The following AFF2 variants were observed in gnomAD, a reference collection of about 807,000 sequenced individuals.
AFF2 encodes AF4/FMR2 family member 2.
A neutral mutation model predicts 76.9 loss-of-function variants in AFF2; 14 were observed. The observed-to-expected ratio is 0.18, with a 90% CI of 0.12 to 0.28. The LOEUF is 0.28. Ranked by LOEUF, AFF2 falls within the 10% of genes least tolerant of loss-of-function variation. AFF2 has a pLI of 1.00. For synonymous variants in AFF2, 398 were observed against 366.7 expected, an observed-to-expected ratio of 1.09 and a Z score of -0.98; for missense variants, 868 against 1,001.1, an observed-to-expected ratio of 0.87 and a Z score of 1.79.
chrX:148,974,697 A>G (rs1557289995), intron 16 of AFF2, among the ~76,000 whole-genome samples: 1 of 112,269 alleles, frequency 8.9e-6, no homozygotes, highest in African/African-American at 3.2e-5. Context: ...TAGGGTGATT[A>G]TAAGGGCAGC....
intron 1 of AFF2, among the ~76,000 whole-genome samples, chrX:148,592,259 T>C (rs2053529276): frequency 1.8e-5 from 2 of 111,442 alleles, no homozygotes; most frequent in Admixed American, 9.5e-5. Context: ...GATTAGCAGG[T>C]GAGAATCACT....
At chrX:148,781,491 C>G (rs367613231) in intron 3 of AFF2, among the ~76,000 whole-genome samples, 2 of 112,283 alleles carry the variant, frequency 1.8e-5, no homozygotes, top group African/African-American at 3.2e-5. Context: ...GGGCTCTGCC[C>G]AGTCCAAACT....
In AFF2 at chrX:148,956,467, G is replaced by C. The variant is rs1367938110; in HGVS notation, c.2422G>C (p.Asp808His). Residue 808 changes from aspartate to histidine, a missense_variant, in exon 11 of 21, where the codon GAC (aspartate) becomes CAC (histidine). By Grantham distance (81) the Asp-to-His change is moderately conservative. Around this residue, in one of 6 missense-constraint regions of AFF2, gnomAD observed 532 missense variants for 564.2 expected, o/e 0.94. Transcript: ENST00000370460. ...AAACCTCTGGGTGAAGATTGACCTT[G>C]ACTTACTCTCTAGAGTACCTGGCCA... ...LKNLWVKIDL[D>H]LLSRVPGHSS... The C allele has an allele frequency of 1.7e-6, 2 of 1,210,061 alleles. No homozygotes were observed. The highest frequency in any genetic ancestry group is 1.7e-5 in the African/African-American group (1 of 57,152).
chrX:148,774,106 C>A (rs1208257324), intron 3 of AFF2, among the ~76,000 whole-genome samples: 1 of 111,769 alleles, frequency 8.9e-6, no homozygotes, highest in African/African-American at 3.3e-5. Context: ...CTGCCTAGAT[C>A]CTATAATTTT....
intron 2 of AFF2, 46 bp downstream of exon 2, chrX:148,652,177 G>T (rs1196237068): frequency 1.0e-6 from 1 of 997,511 alleles, no homozygotes; most frequent in Non-Finnish European, 1.4e-6. Flanking sequence ...TTACATTTTT[G>T]AACTCACTAA....
intron 2 of AFF2, among the ~76,000 whole-genome samples, chrX:148,654,505 G>A (rs368708445): frequency 9.0e-6 from 1 of 111,263 alleles, no homozygotes; most frequent in African/African-American, 3.3e-5. Context: ...TATATAAAGG[G>A]AAGCTTTTTA....
At chrX:148,882,720 A>G (rs1439396456) in intron 7 of AFF2, among the ~76,000 whole-genome samples, 2 of 111,960 alleles carry the variant, frequency 1.8e-5, no homozygotes, top group African/African-American at 6.5e-5. Flanking sequence ...ATTAAATCTA[A>G]TATCTTTCAT....
intron 1 of AFF2, among the ~76,000 whole-genome samples, chrX:148,594,889 G>A (rs1557247102): frequency 8.9e-6 from 1 of 111,994 alleles, no homozygotes; most frequent in African/African-American, 3.2e-5. Flanking sequence ...TTGTTGTCCT[G>A]GAGTACTTTT....
intron 7 of AFF2, among the ~76,000 whole-genome samples, chrX:148,858,942 C>T (rs1406642930): frequency 9.3e-6 from 1 of 107,550 alleles, no homozygotes; most frequent in Non-Finnish European, 1.9e-5. Context: ...AATGCTCAAC[C>T]ATAGTAAATG....
At chrX:148,677,470 C>T (rs916459146) in intron 3 of AFF2, among the ~76,000 whole-genome samples, 2 of 112,024 alleles carry the variant, frequency 1.8e-5, no homozygotes, top group African/African-American at 6.5e-5. Flanking sequence ...TGTCTTACCT[C>T]AGAGAGGTTT....
intron 3 of AFF2, among the ~76,000 whole-genome samples, chrX:148,740,810 A>G (rs1557265561): frequency 9.0e-6 from 1 of 111,718 alleles, no homozygotes; most frequent in Admixed American, 9.5e-5. Flanking sequence ...GCTGAAGGCT[A>G]TTGTTCAGAT....
chrX:148,510,881 T>G (rs2052475346), intron 1 of AFF2, among the ~76,000 whole-genome samples: 1 of 112,005 alleles, frequency 8.9e-6, no homozygotes, highest in Admixed American at 9.5e-5. Context: ...CTTAATACTT[T>G]GTGTGATTAA....
chrX:148,974,968 A>G (rs2124405429), intron 16 of AFF2, among the ~76,000 whole-genome samples: 1 of 112,403 alleles, frequency 8.9e-6, no homozygotes, highest in East Asian at 2.8e-4. Context: ...TAGTGAACAA[A>G]CACAGGGACA....
intron 6 of AFF2, 135 bp from the exon 7 acceptor site, chrX:148,843,247 C>CT (rs782081260): frequency 0.043 from 16,723 of 391,664 alleles, 2 homozygotes; most frequent in East Asian, 0.048. Context: ...GGTTCCCCCC[C>CT]TTTTTTTTTT....
intron 9 of AFF2, among the ~76,000 whole-genome samples, chrX:148,939,527 T>C (rs1245207582): frequency 2.7e-5 from 3 of 112,067 alleles, no homozygotes; most frequent in Admixed American, 9.5e-5. Flanking sequence ...CAAATGTGGG[T>C]TGTTGTATAT....
intron 2 of AFF2, among the ~76,000 whole-genome samples, chrX:148,661,294 G>C (rs1020668480): frequency 8.9e-6 from 1 of 112,275 alleles, no homozygotes; most frequent in Non-Finnish European, 1.9e-5. Flanking sequence ...GAATATACAG[G>C]CAAACACTAG....
intron 3 of AFF2, among the ~76,000 whole-genome samples, chrX:148,721,559 T>C (rs183322873): frequency 1.8e-5 from 2 of 112,135 alleles, no homozygotes; most frequent in Non-Finnish European, 3.8e-5. Flanking sequence ...AGGTTGTCTG[T>C]GTCAGCCCTT....
At chrX:148,741,462 G>T (rs2055351069) in intron 3 of AFF2, among the ~76,000 whole-genome samples, 1 of 110,793 alleles carries the variant, frequency 9.0e-6, no homozygotes, top group Admixed American at 9.6e-5. Flanking sequence ...CACGCAAACT[G>T]AATGGTCAGT....
At position 148,682,840 on chromosome X, in the gene AFF2, A is replaced by G. The variant is rs1224742906; in HGVS notation, c.1041+20072A>G. ...TGGATGTGTTTTTTTTCTTGTACTG[A>G]GAAATTCCAAAAACTTTACTTGGAT... On this transcript the variant is annotated intron_variant, in intron 3 of 20. Coordinates refer to ENST00000370460, the MANE Select transcript of AFF2 (RefSeq NM_002025.4). Among the ~76,000 whole-genome samples, 3 of 111,896 alleles carry G rather than the reference A, an allele frequency of 2.7e-5. No individual in the cohort carries two copies. The East Asian group carries it at 8.4e-4, about 31-fold the overall frequency.
Sources: gnomAD v4.1 joint callset for allele counts (sites outside exome capture counted in the v4.1 genomes callset) on GRCh38, gnomAD v4.1.1 for gene constraint, gnomAD v4.1.1 regional missense constraint, MANE v1.5 for transcripts, NCBI Gene and HGNC (gene_info 2026-07-23, HGNC 2026-07-21) for gene names.